TTLL7: variants seen among roughly 807,000 people sequenced by gnomAD.
TTLL7 encodes tubulin tyrosine ligase like 7.
In TTLL7, 53 loss-of-function variants were observed where a neutral mutation model predicts 120.2. The ratio of observed to expected loss-of-function variants is 0.44; its 90% CI spans 0.35 to 0.55. TTLL7 has a LOEUF of 0.55. TTLL7 is among the 20% of genes least tolerant of loss of function. The pLI is 0.00. For missense variants in TTLL7, 803 were observed against 1,054.7 expected (o/e 0.76, Z 3.31); for synonymous variants, 353 against 351.7 (o/e 1.00, Z -0.04).
intron 7 of TTLL7, among the ~76,000 whole-genome samples, chr1:83,939,587 G>A (rs1200214138): frequency 6.6e-6 from 1 of 152,126 alleles, no homozygotes; most frequent in Non-Finnish European, 1.5e-5. Flanking sequence ...AATCTGCAAG[G>A]AGTGAAAATA....
At chr1:83,898,450 G>C (rs1209486445) in intron 18 of TTLL7, among the ~76,000 whole-genome samples, 1 of 151,942 alleles carries the variant, frequency 6.6e-6, no homozygotes, top group South Asian at 2.1e-4. Flanking sequence ...CCAAGGTAAA[G>C]GCCATAGGCA....
At chr1:83,998,839 A>T in intron 1 of TTLL7, 92 bp downstream of exon 1, 1 of 325,632 alleles carries the variant, frequency 3.1e-6, no homozygotes, top group Non-Finnish European at 6.1e-6. Flanking sequence ...CAGTCCGGGG[A>T]TGGGGGCCCG....
intron 20 of TTLL7, among the ~76,000 whole-genome samples, chr1:83,878,861 G>C (rs1349992209): frequency 6.6e-6 from 1 of 151,846 alleles, no homozygotes. Flanking sequence ...TCTCTTCCAT[G>C]TGATAGATGC....
rs1214362247 is a variant in TTLL7, at chr1:83,892,505, AATGAACATATATATGAACATATAT to A, written c.2209-2048_2209-2025del. On this transcript the variant is annotated intron_variant, in intron 18 of 20. Transcript: ENST00000260505. Reference sequence around the variant, plus strand: ...GAATGAACATATATATGAACATATGAATGAACATATATATGAACATATATATGAACATATGAATGAACATATATA... The same window carrying A: ...GAATGAACATATATATGAACATATGAATGAACATATGAATGAACATATATA... Among the ~76,000 whole-genome samples, 129 of 68,842 alleles carry A rather than the reference AATGAACATATATATGAACATATAT, an allele frequency of 1.9e-3. 7 individuals carry two copies. Among genetic ancestry groups the A allele is most frequent in the Non-Finnish European group, 2.3e-3 (63 of 27,476 alleles). 45.2% of individuals were successfully genotyped at this position (68,842 alleles called of 152,430 possible).
In TTLL7 at chr1:83,954,879, C is replaced by A. The variant is rs574722655; in HGVS notation, c.-176-2492G>T. 4.1e-3 allele frequency among the ~76,000 whole-genome samples: 586 copies of A among 144,582 alleles called. 6 individuals are homozygous for A. The highest frequency in any genetic ancestry group is 9.9e-3 in the South Asian group (46 of 4,642). 94.9% of individuals were successfully genotyped at this position (144,582 alleles called of 152,430 possible). On this transcript the variant is annotated intron_variant, in intron 1 of 20. Transcript: ENST00000260505. ...CTATCTAGTTCAAAAAAAAAAAAAACCAGAAAAAAATTTGACGGTGAGCAC... is the reference window on the plus strand; with the variant it reads ...CTATCTAGTTCAAAAAAAAAAAAAAACAGAAAAAAATTTGACGGTGAGCAC...
intron 18 of TTLL7, among the ~76,000 whole-genome samples, chr1:83,899,064 CTT>C (rs1009771079): frequency 2.2e-4 from 33 of 151,714 alleles, no homozygotes; most frequent in Admixed American, 6.6e-5. Context: ...GCAGGGTTAA[CTT>C]TATAAAAATG....
At chr1:83,880,094 T>C (rs1654310825) in intron 20 of TTLL7, 1 of 151,998 alleles carries the variant, frequency 6.6e-6, no homozygotes, top group African/African-American at 2.4e-5. Context: ...AAGAAGGCTC[T>C]TCATTTATAT....
At chr1:83,878,347 A>T (rs1325937681) in intron 20 of TTLL7, among the ~76,000 whole-genome samples, 1 of 151,502 alleles carries the variant, frequency 6.6e-6, no homozygotes, top group Admixed American at 6.6e-5. Flanking sequence ...ATCTTTACTG[A>T]GTTTTTTCTG....
chr1:83,890,248 T>G (rs1655352912), intron 19 of TTLL7, 73 bp downstream of exon 19: 4 of 1,419,888 alleles, frequency 2.8e-6, no homozygotes, highest in South Asian at 1.4e-5. Flanking sequence ...TTCAAGCATT[T>G]TATTAGGATA....
chr1:83,925,105 A>G (rs1427145811), intron 10 of TTLL7, among the ~76,000 whole-genome samples: 1 of 152,186 alleles, frequency 6.6e-6, no homozygotes, highest in Non-Finnish European at 1.5e-5. Flanking sequence ...CAAAACATAC[A>G]GTCCAACTGT....
chr1:83,877,957 A>ATAT (rs1163576575), intron 20 of TTLL7, among the ~76,000 whole-genome samples: 4 of 151,758 alleles, frequency 2.6e-5, no homozygotes, highest in African/African-American at 9.7e-5. Flanking sequence ...ATTCATTTAA[A>ATAT]TCTATAAATA....
At chr1:83,892,951 A>AAAGAAAG (rs1491379703) in intron 18 of TTLL7, among the ~76,000 whole-genome samples, 6 of 84,946 alleles carry the variant, frequency 7.1e-5, no homozygotes, top group African/African-American at 7.0e-4. Context: ...AGAAAGAAAG[A>AAAGAAAG]AAAGAATAAA....
At chr1:83,982,885 T>G (rs1437102507) in intron 1 of TTLL7, among the ~76,000 whole-genome samples, 3 of 152,134 alleles carry the variant, frequency 2.0e-5, no homozygotes, top group Non-Finnish European at 4.4e-5. Flanking sequence ...AGGCATCACA[T>G]TACCAGACTT....
intron 18 of TTLL7, among the ~76,000 whole-genome samples, chr1:83,891,881 G>C (rs1266672474): frequency 1.3e-5 from 2 of 151,926 alleles, no homozygotes; most frequent in African/African-American, 4.8e-5. Context: ...AGGCTGGAGT[G>C]CAGGGGCATG....
intron 15 of TTLL7, 125 bp downstream of exon 15, chr1:83,911,040 G>A (rs1272345111): frequency 2.7e-6 from 2 of 731,034 alleles, no homozygotes; most frequent in Non-Finnish European, 4.6e-6. Context: ...GGAAGGAAGT[G>A]GGATGGAATC....
rs140416367 is a variant in TTLL7, at chr1:83,887,256, A to T, written c.2369+3065T>A. ...TTCTTGGATATAATCAAACACTTGG[A>T]TTATATTTTTCTAAGATTTTACACG... On this transcript the variant is annotated intron_variant, in intron 19 of 20. Transcript: ENST00000260505. 2.3e-5 allele frequency: 29 copies of T among 1,243,668 alleles called. No individual in the cohort carries two copies. In the East Asian group the frequency reaches 1.7e-3, roughly 74 times the overall value. 77.0% of individuals were successfully genotyped at this position (1,243,668 alleles called of 1,614,324 possible).
chr1:83,981,925 C>T (rs1652005663), intron 1 of TTLL7, among the ~76,000 whole-genome samples: 1 of 151,788 alleles, frequency 6.6e-6, no homozygotes, highest in Admixed American at 6.6e-5. Context: ...AGCAAGGATA[C>T]AGGAAAACTG....
At chr1:83,987,862 ATTTG>A (rs1265158381) in intron 1 of TTLL7, among the ~76,000 whole-genome samples, 2 of 152,054 alleles carry the variant, frequency 1.3e-5, no homozygotes, top group African/African-American at 4.8e-5. Flanking sequence ...AAATAACCCT[ATTTG>A]TTTATTTATT....
chr1:83,986,124 A>C (rs1652414537), intron 1 of TTLL7, among the ~76,000 whole-genome samples: 1 of 152,224 alleles, frequency 6.6e-6, no homozygotes, highest in Non-Finnish European at 1.5e-5. Flanking sequence ...CTACAGACCA[A>C]TATATTTCAT....
Sources: gnomAD v4.1 joint callset for allele counts (sites outside exome capture counted in the v4.1 genomes callset) on GRCh38, gnomAD v4.1.1 for gene constraint, MANE v1.5 for transcripts, NCBI Gene and HGNC (gene_info 2026-07-23, HGNC 2026-07-21) for gene names.